Variants in STIM1 observed in about 807,000 individuals in gnomAD.
STIM1 encodes the protein stromal interaction molecule 1.
Under a neutral mutation model 74.7 loss-of-function variants are expected in STIM1, and 25 were observed. The observed-to-expected ratio is 0.33, with a 90% CI of 0.24 to 0.47. STIM1 has a LOEUF of 0.47. Ranked by LOEUF, STIM1 falls within the 20% of genes least tolerant of loss-of-function variation. The pLI is 1.00. For missense variants in STIM1, 728 were observed against 920.8 expected, an observed-to-expected ratio of 0.79 and a Z score of 2.71; for synonymous variants, 328 against 348.8, an observed-to-expected ratio of 0.94 and a Z score of 0.66.
chr11:4,040,273 C>G (rs549770542), intron 3 of STIM1, among the ~76,000 whole-genome samples: 1 of 152,140 alleles, frequency 6.6e-6, no homozygotes, highest in African/African-American at 2.4e-5. Context: ...AAGGTCCATG[C>G]TTATTTCTCT....
chr11:3,943,624 G>A (rs532807667), intron 1 of STIM1, among the ~76,000 whole-genome samples: 14 of 152,286 alleles, frequency 9.2e-5, no homozygotes, highest in Non-Finnish European at 1.5e-4. Context: ...CTTCTAGGTC[G>A]GGTGCAGTGG....
intron 2 of STIM1, among the ~76,000 whole-genome samples, chr11:4,010,950 T>C (rs992800589): frequency 2.0e-5 from 3 of 152,168 alleles, no homozygotes; most frequent in African/African-American, 7.2e-5. Context: ...CTCCCACTTA[T>C]AAGTGAGAAC....
intron 12 of STIM1, chr11:4,088,724 AG>A: frequency 6.5e-7 from 1 of 1,535,862 alleles, no homozygotes; most frequent in Non-Finnish European, 8.7e-7. Context: ...AAAGGCAAAC[AG>A]GCTCTCTAGT....
intron 1 of STIM1, among the ~76,000 whole-genome samples, chr11:3,873,473 C>T (rs2091202781): frequency 6.6e-6 from 1 of 150,454 alleles, no homozygotes; most frequent in South Asian, 2.1e-4. Context: ...GATGGATTTG[C>T]CCAGGCTGTT....
intron 2 of STIM1, among the ~76,000 whole-genome samples, chr11:3,998,916 G>A (rs1264614858): frequency 6.6e-6 from 1 of 152,182 alleles, no homozygotes; most frequent in Non-Finnish European, 1.5e-5. Flanking sequence ...TTTCTGTAAA[G>A]GATTAGATAG....
intron 11 of STIM1, among the ~76,000 whole-genome samples, chr11:4,085,720 A>G (rs985217774): frequency 6.6e-6 from 1 of 152,226 alleles, no homozygotes; most frequent in African/African-American, 2.4e-5. Flanking sequence ...AAGTCTCAGA[A>G]GAACCCTGCA....
intron 1 of STIM1, chr11:3,892,562 C>T (rs2091928042): frequency 6.9e-6 from 11 of 1,601,348 alleles, no homozygotes; most frequent in Non-Finnish European, 9.4e-6. Context: ...AAACTGGGAA[C>T]TGTTTGTGTT....
intron 3 of STIM1, among the ~76,000 whole-genome samples, chr11:4,036,747 GGAT>G (rs1325068794): frequency 1.3e-5 from 2 of 152,104 alleles, no homozygotes; most frequent in Admixed American, 6.6e-5. Flanking sequence ...TGAGGACTCT[GGAT>G]ATTAGACCTT....
At chr11:4,081,821 G>T (rs2094467178) in intron 7 of STIM1, among the ~76,000 whole-genome samples, 1 of 152,180 alleles carries the variant, frequency 6.6e-6, no homozygotes, top group Non-Finnish European at 1.5e-5. Context: ...TGAAGTCTAA[G>T]CACAGACCCT....
At chr11:3,909,788 T>A (rs1310871695) in intron 1 of STIM1, among the ~76,000 whole-genome samples, 1 of 102,684 alleles carries the variant, frequency 9.7e-6, no homozygotes, top group Non-Finnish European at 1.9e-5. Context: ...CGAGACTCCA[T>A]CTCAAAGAAA....
intron 5 of STIM1, among the ~76,000 whole-genome samples, chr11:4,067,895 G>A (rs2094378208): frequency 6.6e-6 from 1 of 152,178 alleles, no homozygotes; most frequent in South Asian, 2.1e-4. Flanking sequence ...GCTGTGCACT[G>A]GCATATATAG....
intron 12 of STIM1, among the ~76,000 whole-genome samples, chr11:4,090,089 A>G (rs2094515087): frequency 6.6e-6 from 1 of 152,186 alleles, no homozygotes. Context: ...GCATGTCTCC[A>G]TAACTCAGCC....
Position 4,000,087 on chromosome 11 carries a change from T to C in STIM1, c.271-23786T>C, listed in dbSNP as rs373732197. On this transcript the variant is annotated intron_variant, in intron 2 of 12. Coordinates refer to ENST00000526596, the MANE Select transcript of STIM1 (RefSeq NM_001382567.1). ...AGGTAAACAAAGCAGCCGGGAAGCT[T>C]GAACTGGGTGGAGCCCACCACGGCT... is the stretch of plus-strand genomic sequence containing the variant. 2.3e-3 allele frequency among the ~76,000 whole-genome samples: 353 copies of C among 152,020 alleles called. 1 individual carries two copies. Among genetic ancestry groups the C allele is most frequent in the African/African-American group, 7.4e-3 (306 of 41,492 alleles).
intron 5 of STIM1, among the ~76,000 whole-genome samples, chr11:4,060,884 T>C (rs2094325976): frequency 6.6e-6 from 1 of 152,186 alleles, no homozygotes; most frequent in Non-Finnish European, 1.5e-5. Flanking sequence ...AGGGAAACTT[T>C]ATGGAGAAAG....
At chr11:3,887,315 C>T (rs891383498) in intron 1 of STIM1, among the ~76,000 whole-genome samples, 13 of 152,186 alleles carry the variant, frequency 8.5e-5, no homozygotes, top group African/African-American at 3.1e-4. Flanking sequence ...AACCTTTAAG[C>T]ATCTGTTCTC....
At chr11:3,937,594 G>T (rs2092950506) in intron 1 of STIM1, among the ~76,000 whole-genome samples, 1 of 152,128 alleles carries the variant, frequency 6.6e-6, no homozygotes, top group South Asian at 2.1e-4. Flanking sequence ...ACAAGAACCT[G>T]ATTCTCCATA....
intron 6 of STIM1, 128 bp downstream of exon 6, chr11:4,070,331 C>A: frequency 9.5e-7 from 1 of 1,050,886 alleles, no homozygotes; most frequent in Non-Finnish European, 1.4e-6. Context: ...CATCATCCTT[C>A]CAAAACTGCA....
chr11:4,069,995 C>T (rs2133160993), intron 5 of STIM1, 31 bp from the exon 6 acceptor site: 2 of 1,612,924 alleles, frequency 1.2e-6, no homozygotes, highest in African/African-American at 1.3e-5. Context: ...AGTGGGCACC[C>T]TAACTCATCA....
At chr11:3,901,280 A>C (rs1449700187) in intron 1 of STIM1, among the ~76,000 whole-genome samples, 1 of 152,208 alleles carries the variant, frequency 6.6e-6, no homozygotes, top group Non-Finnish European at 1.5e-5. Context: ...TAAGTTAGGA[A>C]AAGCTAGGAG....
Sources: allele counts gnomAD v4.1 joint callset (sites outside exome capture counted in the v4.1 genomes callset), GRCh38; gene constraint gnomAD v4.1.1; transcripts MANE v1.5; gene names NCBI Gene and HGNC (gene_info 2026-07-23, HGNC 2026-07-21).